ITPR1: variants seen among roughly 807,000 people sequenced by gnomAD.
ITPR1 encodes the protein inositol 1,4,5-trisphosphate receptor type 1.
A neutral mutation model predicts 318.4 loss-of-function variants in ITPR1; 96 were observed. The observed-to-expected ratio is 0.30, with a 90% CI of 0.26 to 0.36. The LOEUF is 0.36. Ranked by LOEUF, ITPR1 falls within the 10% of genes least tolerant of loss-of-function variation. ITPR1 has a pLI of 1.00. For missense variants in ITPR1, 2,440 were observed against 3,460.2 expected (o/e 0.71, Z 7.40); for synonymous variants, 1,312 against 1,289.9 (o/e 1.02, Z -0.37).
chr3:4,772,449 C>A (rs1047005096), intron 46 of ITPR1, among the ~76,000 whole-genome samples: 1 of 152,250 alleles, frequency 6.6e-6, no homozygotes, highest in African/African-American at 2.4e-5. Flanking sequence ...GCAGTTGCTG[C>A]CTTAAGCAAG....
At chr3:4,791,410 A>T (rs76403691) in intron 52 of ITPR1, among the ~76,000 whole-genome samples, 2,254 of 152,190 alleles carry the variant, frequency 0.015, 54 homozygotes, top group African/African-American at 0.052. Context: ...TTTCTTACGG[A>T]GTGTGCAGCC....
chr3:4,709,989 T>C (rs891680470), intron 37 of ITPR1, among the ~76,000 whole-genome samples: 2 of 152,246 alleles, frequency 1.3e-5, no homozygotes, highest in African/African-American at 4.8e-5. Context: ...TGACCTTTGT[T>C]ATGCCCATGT....
chr3:4,519,391 T>C (rs940927094), intron 3 of ITPR1, among the ~76,000 whole-genome samples: 35 of 152,322 alleles, frequency 2.3e-4, no homozygotes, highest in African/African-American at 7.9e-4. Flanking sequence ...CACGCCCAGC[T>C]AATTTTTGAA....
Position 4,742,179 on chromosome 3 carries a change from C to T in ITPR1, c.5544+6825C>T, listed in dbSNP as rs1309524711. ...GAGAGAGCCTATCAACTGCGGGCCT[C>T]CAGACCACAATATTTGTGCTGGAAT... On this transcript the variant is annotated intron_variant, in intron 44 of 61. Transcript: ENST00000649015. Among the ~76,000 whole-genome samples the T allele has an allele frequency of 2.6e-5, 4 of 152,210 alleles. No individual in the cohort carries two copies. The East Asian group carries it at 5.8e-4, about 22-fold the overall frequency.
chr3:4,663,320 T>C, intron 16 of ITPR1, 114 bp downstream of exon 16: 1 of 929,632 alleles, frequency 1.1e-6, no homozygotes, highest in Non-Finnish European at 1.6e-6. Flanking sequence ...GAGGATCCCC[T>C]TGAGCCCAGG....
At chr3:4,751,184 C>G (rs533725993) in intron 44 of ITPR1, 1 of 152,664 alleles carries the variant, frequency 6.6e-6, no homozygotes, top group East Asian at 1.9e-4. Flanking sequence ...AAAATAGAAC[C>G]GCAAGAAAAC....
intron 44 of ITPR1, among the ~76,000 whole-genome samples, chr3:4,758,529 C>G (rs2045189192): frequency 6.6e-6 from 1 of 152,192 alleles, no homozygotes; most frequent in Non-Finnish European, 1.5e-5. Flanking sequence ...ACTGCAAGGC[C>G]TGTCTTTTCC....
chr3:4,646,047 A>C, intron 10 of ITPR1: 1 of 263,294 alleles, frequency 3.8e-6, no homozygotes, highest in Non-Finnish European at 7.4e-6. Context: ...TCAAAAACGA[A>C]ATTAGAAATA....
At chr3:4,614,118 T>C (rs750831841) in intron 4 of ITPR1, among the ~76,000 whole-genome samples, 1 of 152,200 alleles carries the variant, frequency 6.6e-6, no homozygotes, top group Non-Finnish European at 1.5e-5. Flanking sequence ...ACAAAAAAAT[T>C]AGCCAGGCGT....
At chr3:4,654,566 AGTTTTCTTGTGGAGTGCTTGATTCTG>A (rs2093664158) in intron 12 of ITPR1, among the ~76,000 whole-genome samples, 1 of 152,184 alleles carries the variant, frequency 6.6e-6, no homozygotes, top group African/African-American at 2.4e-5. Context: ...TAAGTAAGAC[AGTTTTCTTGTGGAGTGCTTGATTCTG>A]GTCTAGGATT....
At chr3:4,833,020 AC>A (rs2050627571) in intron 60 of ITPR1, among the ~76,000 whole-genome samples, 1 of 152,244 alleles carries the variant, frequency 6.6e-6, no homozygotes, top group South Asian at 2.1e-4. Context: ...CTGGCCGGTG[AC>A]CACAGTTCTT....
Position 4,745,013 on chromosome 3 carries a change from TTCC to T in ITPR1, c.5544+9664_5544+9666del, listed in dbSNP as rs570325553. On this transcript the variant is annotated intron_variant, in intron 44 of 61. Coordinates refer to ENST00000649015, the MANE Select transcript of ITPR1 (RefSeq NM_001378452.1). ...TCCTTCTCTCCTTCTCTTTCCTTCC[TTCC>T]TCCTTCCCTTTCTTTTCTTCTTTAT... Among the ~76,000 whole-genome samples the T allele has an allele frequency of 2.3e-4, 34 of 149,590 alleles. No individual in the cohort carries two copies. The South Asian group carries it at 7.2e-3, about 31-fold the overall frequency.
chr3:4,557,145 C>T (rs951398534), intron 4 of ITPR1, among the ~76,000 whole-genome samples: 3 of 152,082 alleles, frequency 2.0e-5, no homozygotes, highest in Non-Finnish European at 4.4e-5. Context: ...AAGACATACC[C>T]GAGACTGGGT....
At chr3:4,511,979 GA>G (rs1416190396) in intron 2 of ITPR1, among the ~76,000 whole-genome samples, 1 of 152,070 alleles carries the variant, frequency 6.6e-6, no homozygotes, top group Non-Finnish European at 1.5e-5. Context: ...TAAGGGAGGG[GA>G]CAGGAGTAAT....
chr3:4,782,778 C>T (rs1447098064), intron 50 of ITPR1, 37 bp downstream of exon 50: 5 of 1,418,498 alleles, frequency 3.5e-6, no homozygotes, highest in Non-Finnish European at 4.6e-6. Context: ...GATGCTGCCT[C>T]CCTACAGGTC....
At chr3:4,693,272 C>T (rs553414036) in intron 32 of ITPR1, among the ~76,000 whole-genome samples, 2 of 152,300 alleles carry the variant, frequency 1.3e-5, no homozygotes, top group East Asian at 3.9e-4. Flanking sequence ...TAATAGCTTT[C>T]TAGGGCCAGT....
At chr3:4,812,145 A>G (rs530668112) in intron 56 of ITPR1, among the ~76,000 whole-genome samples, 2 of 151,722 alleles carry the variant, frequency 1.3e-5, no homozygotes, top group South Asian at 2.1e-4. Flanking sequence ...AGCTCAAGCA[A>G]TCCTCCCACC....
At chr3:4,611,053 CCCTCCCTTCCTTCCTT>C (rs1236935512) in intron 4 of ITPR1, among the ~76,000 whole-genome samples, 1 of 106,116 alleles carries the variant, frequency 9.4e-6, no homozygotes, top group Non-Finnish European at 1.9e-5. Context: ...CTCCCTCCCT[CCCTCCCTTCCTTCCTT>C]CCCTTTCTGT....
chr3:4,597,639 T>G (rs553604116), intron 4 of ITPR1, among the ~76,000 whole-genome samples: 1 of 151,922 alleles, frequency 6.6e-6, no homozygotes, highest in African/African-American at 2.4e-5. Context: ...CACCAGGGAG[T>G]GTGCATCAAA....
Sources: allele counts gnomAD v4.1 joint callset (sites outside exome capture counted in the v4.1 genomes callset), GRCh38; gene constraint gnomAD v4.1.1; transcripts MANE v1.5; gene names NCBI Gene and HGNC (gene_info 2026-07-23, HGNC 2026-07-21).